The following CBFA2T2 variants were observed in gnomAD, a reference collection of about 807,000 sequenced individuals.
CBFA2T2 encodes CBFA2/RUNX1 partner transcriptional co-repressor 2, also known as protein CBFA2T2.
A neutral mutation model predicts 62.2 loss-of-function variants in CBFA2T2; 11 were observed. That is an observed-to-expected ratio of 0.18 (90% confidence interval 0.11 to 0.29). The LOEUF (loss-of-function observed/expected upper bound fraction) is 0.29, where lower values mean the gene tolerates loss of function less well. CBFA2T2 is among the 10% of genes least tolerant of loss of function. The probability of loss-of-function intolerance (pLI) is 1.00; values close to 1 mark genes in which losing one functional copy is unlikely to be tolerated. For missense variants in CBFA2T2, 592 were observed against 774.1 expected (o/e 0.76, Z 2.79); for synonymous variants, 295 against 287.5 (o/e 1.03, Z -0.27).
chr20:33,547,956 TG>T (rs1488578544), intron 1 of CBFA2T2, among the ~76,000 whole-genome samples: 1 of 152,154 alleles, frequency 6.6e-6, no homozygotes, highest in African/African-American at 2.4e-5. Context: ...CTTTTCTTTT[TG>T]TGGAGAATGG....
chr20:33,548,373 A>G (rs773080676), intron 1 of CBFA2T2, among the ~76,000 whole-genome samples: 18 of 151,508 alleles, frequency 1.2e-4, no homozygotes, highest in Middle Eastern at 3.2e-3. Context: ...CCTCCCAGGT[A>G]GCTAGGATTA....
intron 1 of CBFA2T2, among the ~76,000 whole-genome samples, chr20:33,567,931 G>C (rs1466305187): frequency 6.6e-6 from 1 of 152,126 alleles, no homozygotes; most frequent in East Asian, 1.9e-4. Flanking sequence ...AGAAAACATA[G>C]TATATATAGG....
At chr20:33,601,284 A>G (rs2015123544) in intron 1 of CBFA2T2, among the ~76,000 whole-genome samples, 1 of 151,350 alleles carries the variant, frequency 6.6e-6, no homozygotes, top group Non-Finnish European at 1.5e-5. Flanking sequence ...GTTTGTTTTT[A>G]GACAGAGTCT....
intron 1 of CBFA2T2, among the ~76,000 whole-genome samples, chr20:33,523,578 G>A (rs894500444): frequency 2.6e-5 from 4 of 152,164 alleles, no homozygotes; most frequent in South Asian, 4.1e-4. Context: ...GCAAACAAAC[G>A]TGTACTAAAA....
Position 33,534,751 on chromosome 20 carries a change from C to CTTTT in CBFA2T2, c.34+44468_34+44471dup, listed in dbSNP as rs11167206. Among the ~76,000 whole-genome samples the CTTTT allele has an allele frequency of 6.3e-3, 587 of 92,910 alleles. 11 individuals carry two copies. Among genetic ancestry groups the CTTTT allele is most frequent in the East Asian group, 0.014 (38 of 2,644 alleles). 61.0% of individuals were successfully genotyped at this position (92,910 alleles called of 152,430 possible). A position where few individuals can be genotyped will look rare whatever the true frequency, so the allele number is the denominator to read the frequency against. ...AAAAAGATTTTTTGTATCTTTTTAG[C>CTTTT]TTTTTTTTTTTTTTTTTTTTTGAGC... is the stretch of plus-strand genomic sequence containing the variant. On this transcript the variant is annotated intron_variant, in intron 1 of 10. Coordinates refer to ENST00000342704, the MANE Select transcript of CBFA2T2 (RefSeq NM_001032999.3).
chr20:33,629,823 A>G lies in CBFA2T2; in HGVS notation c.1137A>G (p.Arg379=). 6.2e-7 allele frequency: 1 copy of G among 1,614,024 alleles called. No individual in the cohort carries two copies. Among genetic ancestry groups the G allele is most frequent in the African/African-American group, 1.3e-5 (1 of 75,020 alleles). The part of the protein sequence containing the change: ...SDREELNYWK[R]RYNENTELRK... ...GTGAAGAACTCAACTACTGGAAAAGACGGTACAATGAAAACACAGAGCTGA... is the reference window on the plus strand; with the variant it reads ...GTGAAGAACTCAACTACTGGAAAAGGCGGTACAATGAAAACACAGAGCTGA... Residue 379 remains arginine, a synonymous_variant, in exon 8 of 11, where the codon AGA becomes AGG. Transcript: ENST00000342704.
chr20:33,623,578 T>C (rs1040879221), intron 5 of CBFA2T2, among the ~76,000 whole-genome samples: 1 of 151,830 alleles, frequency 6.6e-6, no homozygotes, highest in African/African-American at 2.4e-5. Context: ...TGTTTGTTTG[T>C]TTGTTTGTTT....
At chr20:33,583,743 T>C (rs757113877) in intron 1 of CBFA2T2, among the ~76,000 whole-genome samples, 1 of 152,162 alleles carries the variant, frequency 6.6e-6, no homozygotes, top group Non-Finnish European at 1.5e-5. Context: ...TGTTATATTA[T>C]GCATTCATCC....
At chr20:33,641,861 G>T (rs1030080718) in intron 10 of CBFA2T2, among the ~76,000 whole-genome samples, 1 of 151,402 alleles carries the variant, frequency 6.6e-6, no homozygotes, top group Admixed American at 6.6e-5. Flanking sequence ...TGGGATTACA[G>T]ATGGGCTTTT....
chr20:33,495,995 G>T (rs540681990), intron 1 of CBFA2T2, among the ~76,000 whole-genome samples: 1 of 152,178 alleles, frequency 6.6e-6, no homozygotes, highest in African/African-American at 2.4e-5. Context: ...ATCTGACTTA[G>T]GGTCTCAGTC....
intron 4 of CBFA2T2, among the ~76,000 whole-genome samples, chr20:33,621,039 C>T (rs184801918): frequency 6.6e-6 from 1 of 152,256 alleles, no homozygotes; most frequent in African/African-American, 2.4e-5. Context: ...TTTGTTGTCA[C>T]GTCTCTTTAG....
rs115244038 is a variant in CBFA2T2, at chr20:33,619,102, C to T, written c.421-415C>T. On this transcript the variant is annotated intron_variant, in intron 3 of 10. Transcript: ENST00000342704. ...TTTAAAAGTCTTTAGCAGCTGAGCA[C>T]GGTGGCTCACCCCTGTAATCCCAAC... Among the ~76,000 whole-genome samples, 571 of 152,262 alleles carry T rather than the reference C, an allele frequency of 3.8e-3. 4 individuals carry two copies. Among genetic ancestry groups the T allele is most frequent in the African/African-American group, 0.013 (546 of 41,552 alleles).
chr20:33,629,674 T>G, intron 7 of CBFA2T2, 45 bp from the exon 8 acceptor site: 1 of 1,547,002 alleles, frequency 6.5e-7, no homozygotes, highest in South Asian at 1.2e-5. Flanking sequence ...GTTGGTTGTT[T>G]GAATGTTCTT....
In CBFA2T2 at chr20:33,619,406, C is replaced by CAAAT. The variant is rs200568381; in HGVS notation, c.421-92_421-89dup. 1,584 of 572,764 alleles carry CAAAT rather than the reference C, an allele frequency of 2.8e-3. 5 individuals are homozygous for CAAAT. Among genetic ancestry groups the CAAAT allele is most frequent in the Middle Eastern group, 0.011 (22 of 1,994 alleles). 35.5% of individuals were successfully genotyped at this position (572,764 alleles called of 1,614,324 possible). A position where few individuals can be genotyped will look rare whatever the true frequency, so the allele number is the denominator to read the frequency against. On this transcript the variant is annotated intron_variant, in intron 3 of 10. Coordinates refer to ENST00000342704, the MANE Select transcript of CBFA2T2 (RefSeq NM_001032999.3). ...TGGGCAACAGAGCAAGACTCCATCTCAAATAAATAAATAAATAAATAACAT... is the reference window on the plus strand; with the variant it reads ...TGGGCAACAGAGCAAGACTCCATCTCAAATAAATAAATAAATAAATAAATAACAT...
intron 8 of CBFA2T2, among the ~76,000 whole-genome samples, chr20:33,634,423 G>C (rs1198930254): frequency 6.6e-6 from 1 of 152,084 alleles, no homozygotes; most frequent in Non-Finnish European, 1.5e-5. Flanking sequence ...AGTAATCCCA[G>C]CACTTTGAGA....
chr20:33,517,185 T>G (rs1788637984), intron 1 of CBFA2T2, among the ~76,000 whole-genome samples: 1 of 152,212 alleles, frequency 6.6e-6, no homozygotes, highest in Non-Finnish European at 1.5e-5. Flanking sequence ...ATGATGTTTC[T>G]CTATCTGCCT....
intron 1 of CBFA2T2, among the ~76,000 whole-genome samples, chr20:33,538,745 CTTA>C (rs1459918303): frequency 2.6e-5 from 4 of 152,074 alleles, no homozygotes; most frequent in African/African-American, 9.7e-5. Context: ...TACTTATTTA[CTTA>C]TTATCAGTAT....
chr20:33,627,404 A>C (rs184278720), intron 6 of CBFA2T2, among the ~76,000 whole-genome samples: 1 of 149,848 alleles, frequency 6.7e-6, no homozygotes, highest in Non-Finnish European at 1.5e-5. Context: ...AAGGGGGGGG[A>C]AAAAAACTGG....
At chr20:33,643,855 GTGTGTA>G (rs2016952356) in intron 10 of CBFA2T2, among the ~76,000 whole-genome samples, 1 of 129,002 alleles carries the variant, frequency 7.8e-6, no homozygotes, top group African/African-American at 3.1e-5. Context: ...GTGTGTGTGT[GTGTGTA>G]TATAATGTAT....
Sources: allele counts gnomAD v4.1 joint callset (sites outside exome capture counted in the v4.1 genomes callset), GRCh38; gene constraint gnomAD v4.1.1; transcripts MANE v1.5; gene names NCBI Gene and HGNC (gene_info 2026-07-23, HGNC 2026-07-21).